Variants in MICU1 observed in about 807,000 individuals in gnomAD.
MICU1 encodes the protein calcium uptake protein 1, mitochondrial.
MICU1 carries 45 observed loss-of-function variants against 56.8 expected under a neutral mutation model. The ratio of observed to expected loss-of-function variants is 0.79; its 90% confidence interval spans 0.62 to 1.02. MICU1 has a LOEUF of 1.02. MICU1 is among the 50% of genes least tolerant of loss of function. The pLI, the probability that MICU1 is intolerant of heterozygous loss-of-function variation, is 0.00. For missense variants in MICU1, 504 were observed against 587.1 expected (o/e 0.86, Z 1.46); for synonymous variants, 186 against 195.1 (o/e 0.95, Z 0.39).
intron 4 of MICU1, among the ~76,000 whole-genome samples, chr10:72,536,825 T>C (rs1839649641): frequency 6.6e-6 from 1 of 152,236 alleles, no homozygotes. Flanking sequence ...GTGTATCTTG[T>C]AATTATAATA....
In MICU1 at chr10:72,368,240, T is replaced by A; in HGVS notation, c.1386A>T (p.Lys462Asn). 6.2e-7 allele frequency: 1 copy of A among 1,613,918 alleles called. No individual in the cohort carries two copies. The highest frequency in any genetic ancestry group is 8.5e-7 in the Non-Finnish European group (1 of 1,179,858). The change falls in exon 12 of 12, where the codon AAA (lysine) becomes AAT (asparagine). Residue 462 changes from lysine (K) to asparagine (N), a missense_variant. Transcript: ENST00000361114. ...AGTCCCAGGCAGTTTCCTGTGCACA[T>A]TTCCACATGGCCTGCATGAGGCGAG... ...GFTRLMQAMW[K>N]CAQETAWDFA...
intron 10 of MICU1, among the ~76,000 whole-genome samples, chr10:72,389,084 C>T (rs1394197026): frequency 6.6e-6 from 1 of 152,200 alleles, no homozygotes; most frequent in Non-Finnish European, 1.5e-5. Context: ...GTTAGTGTTC[C>T]AGATGTGTGA....
chr10:72,402,688 T>C (rs1237097207), intron 10 of MICU1, among the ~76,000 whole-genome samples: 1 of 152,164 alleles, frequency 6.6e-6, no homozygotes, highest in Non-Finnish European at 1.5e-5. Flanking sequence ...AATAAACACA[T>C]TTTTAGATAA....
intron 6 of MICU1, among the ~76,000 whole-genome samples, chr10:72,495,655 CAAAAAAAAA>C (rs758909513): frequency 4.7e-5 from 4 of 85,410 alleles, no homozygotes; most frequent in African/African-American, 1.9e-4. Flanking sequence ...ACCTCTGTCT[CAAAAAAAAA>C]AAAAAAAAAA....
intron 8 of MICU1, among the ~76,000 whole-genome samples, chr10:72,439,657 G>A (rs1463516050): frequency 6.6e-6 from 1 of 152,128 alleles, no homozygotes; most frequent in East Asian, 1.9e-4. Flanking sequence ...AAACACCACT[G>A]TCTCACCCCA....
At chr10:72,533,951 G>A (rs1564922829) in intron 4 of MICU1, among the ~76,000 whole-genome samples, 162 bp from the exon 5 acceptor site, 1 of 152,050 alleles carries the variant, frequency 6.6e-6, no homozygotes, top group Non-Finnish European at 1.5e-5. Flanking sequence ...CAGATTTAAA[G>A]TGTGAGTGCT....
chr10:72,614,220 A>AGT (rs1841925537), intron 1 of MICU1, among the ~76,000 whole-genome samples: 1 of 152,192 alleles, frequency 6.6e-6, no homozygotes, highest in Non-Finnish European at 1.5e-5. Context: ...TTTTAAAAAA[A>AGT]AAACAAGTGT....
intron 9 of MICU1, among the ~76,000 whole-genome samples, chr10:72,422,894 G>A: frequency 6.8e-6 from 1 of 148,094 alleles, no homozygotes; most frequent in African/African-American, 2.5e-5. Flanking sequence ...ATTTTTAGTA[G>A]AGATGGGGTT....
At chr10:72,617,728 A>T (rs1480517862) in intron 1 of MICU1, among the ~76,000 whole-genome samples, 4 of 152,206 alleles carry the variant, frequency 2.6e-5, no homozygotes, top group Admixed American at 6.5e-5. Flanking sequence ...GCTGCTCAGG[A>T]GGTTGAGATG....
At chr10:72,578,572 G>T (rs111783880) in intron 1 of MICU1, among the ~76,000 whole-genome samples, 1 of 151,714 alleles carries the variant, frequency 6.6e-6, no homozygotes, top group Admixed American at 6.6e-5. Context: ...GCCCAATAAA[G>T]TATTTTTAAT....
At chr10:72,460,956 G>A (rs147417843) in intron 8 of MICU1, among the ~76,000 whole-genome samples, 112 of 152,194 alleles carry the variant, frequency 7.4e-4, no homozygotes, top group African/African-American at 2.5e-3. Flanking sequence ...GGCACCTGCA[G>A]CTAAAGATGG....
chr10:72,379,679 T>C, intron 10 of MICU1: 1 of 306,716 alleles, frequency 3.3e-6, no homozygotes. Context: ...TATTAAGTGG[T>C]TGTAGAATAG....
At chr10:72,381,963 TACACAC>T (rs10535513) in intron 10 of MICU1, among the ~76,000 whole-genome samples, 9,534 of 138,382 alleles carry the variant, frequency 0.069, 393 homozygotes, top group African/African-American at 0.12. Context: ...TATATATCTA[TACACAC>T]ACACACACAC....
At chr10:72,481,015 T>C (rs1866277189) in intron 6 of MICU1, among the ~76,000 whole-genome samples, 2 of 152,240 alleles carry the variant, frequency 1.3e-5, no homozygotes, top group South Asian at 2.1e-4. Context: ...TTAAAGTACA[T>C]GCGCTGACAC....
chr10:72,568,747 CTTTTTTTTTTTTTTT>C (rs72319510), intron 1 of MICU1, among the ~76,000 whole-genome samples: 1 of 55,548 alleles, frequency 1.8e-5, no homozygotes. Flanking sequence ...AGTTCTTATT[CTTTTTTTTTTTTTTT>C]TTTTTTTTGA....
chr10:72,512,986 G>A (rs1867528357), intron 5 of MICU1, among the ~76,000 whole-genome samples: 2 of 152,240 alleles, frequency 1.3e-5, no homozygotes, highest in African/African-American at 4.8e-5. Context: ...TTACAGGCAT[G>A]AGCCACCACA....
At chr10:72,544,289 C>A (rs1270413114) in intron 4 of MICU1, among the ~76,000 whole-genome samples, 1 of 151,918 alleles carries the variant, frequency 6.6e-6, no homozygotes, top group Non-Finnish European at 1.5e-5. Context: ...TGAGTCTTGC[C>A]GAAGCTCCCG....
At chr10:72,514,210 T>G (rs1401563923) in intron 5 of MICU1, among the ~76,000 whole-genome samples, 1 of 152,210 alleles carries the variant, frequency 6.6e-6, no homozygotes, top group African/African-American at 2.4e-5. Context: ...ACAATTTCTA[T>G]GTATCTATTG....
chr10:72,475,876 G>T (rs1866103522), intron 7 of MICU1: 1 of 456,488 alleles, frequency 2.2e-6, no homozygotes, highest in South Asian at 1.5e-5. Flanking sequence ...TTATAATTGG[G>T]ATCCTCTTAG....
Sources: allele counts gnomAD v4.1 joint callset (sites outside exome capture counted in the v4.1 genomes callset), GRCh38; gene constraint gnomAD v4.1.1; transcripts MANE v1.5; gene names NCBI Gene and HGNC (gene_info 2026-07-23, HGNC 2026-07-21).